SYCP2: variants seen among roughly 807,000 people sequenced by gnomAD.
SYCP2 encodes the protein synaptonemal complex lateral element protein.
Under a neutral mutation model 211.3 loss-of-function variants are expected in SYCP2, and 55 were observed. That is an observed-to-expected ratio of 0.26 (90% CI 0.21 to 0.33). The LOEUF (loss-of-function observed/expected upper bound fraction) is 0.33. Ranked by LOEUF, SYCP2 falls within the 10% of genes least tolerant of loss-of-function variation. The pLI, the probability that SYCP2 is intolerant of heterozygous loss-of-function variation, is 1.00. For missense variants in SYCP2, 1,731 were observed against 1,752.0 expected (o/e 0.99, Z 0.21); for synonymous variants, 570 against 555.2 (o/e 1.03, Z -0.37).
At chr20:59,889,522 G>C (rs1288965999) in intron 24 of SYCP2, among the ~76,000 whole-genome samples, 1 of 151,590 alleles carries the variant, frequency 6.6e-6, no homozygotes, top group African/African-American at 2.4e-5. Context: ...CTTTTCTCTG[G>C]TTATCAGGCA....
chr20:59,911,767 T>C lies in SYCP2; in HGVS notation c.955A>G (p.Ile319Val), dbSNP rs938568387. The C allele has an allele frequency of 2.2e-5, 34 of 1,570,588 alleles. No homozygotes were observed. Among genetic ancestry groups the C allele is most frequent in the African/African-American group, 4.1e-5 (3 of 73,756 alleles). ...AAACTTACATCATTATCTCCAGCAA[T>C]GTAGAATGAGAGAGTCTGACTCCCA... ...NLGSQTLSFYIAGDNDDHQWE... is the reference protein window; with the variant it reads ...NLGSQTLSFYVAGDNDDHQWE... The change falls in exon 14 of 45, where the codon ATT (isoleucine) becomes GTT (valine). Residue 319 changes from isoleucine (I) to valine (V), a missense_variant. By Grantham distance (29) the Ile-to-Val change is conservative (BLOSUM62 3). This residue lies in a region of SYCP2 where 335 missense variants were observed against 378.8 expected (regional missense o/e 0.88). Transcript: ENST00000357552.
intron 17 of SYCP2, 56 bp from the exon 18 acceptor site, chr20:59,900,340 C>T: frequency 7.0e-7 from 1 of 1,432,364 alleles, no homozygotes. Context: ...AGAAAGTAAT[C>T]AACAATCACT....
In SYCP2 at chr20:59,867,831, A is replaced by G. The variant is rs1471366638; in HGVS notation, c.4005T>C (p.Ser1335=). Residue 1335 remains serine (S), a synonymous_variant, in exon 39 of 45, where the codon TCT becomes TCC. Coordinates refer to ENST00000357552, the MANE Select transcript of SYCP2 (RefSeq NM_014258.4). ...HHIHKMSESV[S]SLSTNDFSIP... The stretch of plus-strand genomic sequence containing the variant: ...TAGAAAAGTCATTTGTTGATAATGA[A>G]GATACACTTTCAGACACTAAAAAAT... The G allele has an allele frequency of 6.2e-7, 1 of 1,607,248 alleles. No homozygotes were observed. The highest frequency in any genetic ancestry group is 1.1e-5 in the South Asian group (1 of 90,438).
chr20:59,901,083 C>T (rs1264898169), intron 16 of SYCP2, among the ~76,000 whole-genome samples: 1 of 152,058 alleles, frequency 6.6e-6, no homozygotes, highest in Non-Finnish European at 1.5e-5. Context: ...ATCTTTTGCA[C>T]TATTCAAATT....
In SYCP2 at chr20:59,920,499, G is replaced by C; in HGVS notation, c.169-12C>G. On this transcript the variant is annotated splice_polypyrimidine_tract_variant and intron_variant, in intron 4 of 44. Transcript: ENST00000357552. ...TCTTTATTAAGTTCCTGAAATAAAA[G>C]GTATACATTAAAATTTCTGTAAACA... 1.3e-6 allele frequency: 2 copies of C among 1,576,704 alleles called. No individual in the cohort carries two copies. Among genetic ancestry groups the C allele is most frequent in the Non-Finnish European group, 1.7e-6 (2 of 1,154,536 alleles).
intron 14 of SYCP2, among the ~76,000 whole-genome samples, chr20:59,908,894 C>T (rs1204768988): frequency 6.6e-6 from 1 of 152,140 alleles, no homozygotes; most frequent in Non-Finnish European, 1.5e-5. Flanking sequence ...ATTGAATCCA[C>T]ATGTCACGCT....
Position 59,911,313 on chromosome 20 carries a change from T to C in SYCP2, c.972+437A>G, listed in dbSNP as rs150437974. Among the ~76,000 whole-genome samples the C allele has an allele frequency of 5.9e-3, 903 of 152,220 alleles. 11 individuals are homozygous for C. The highest frequency in any genetic ancestry group is 0.02 in the African/African-American group (848 of 41,546). ...AAGCATAGGAAGAAAAAAACTAAAA[T>C]TAACTCCCACTCAAGTCCTATTTCC... On this transcript the variant is annotated intron_variant, in intron 14 of 44. Coordinates refer to ENST00000357552, the MANE Select transcript of SYCP2 (RefSeq NM_014258.4).
chr20:59,927,005 G>C (rs1316536258), intron 2 of SYCP2, among the ~76,000 whole-genome samples: 2 of 152,112 alleles, frequency 1.3e-5, no homozygotes, highest in Non-Finnish European at 2.9e-5. Context: ...CCAGAACTTT[G>C]GCATTGGACA....
chr20:59,872,043 G>A (rs1600813481), intron 35 of SYCP2, among the ~76,000 whole-genome samples: 1 of 151,930 alleles, frequency 6.6e-6, no homozygotes, highest in East Asian at 1.9e-4. Context: ...GGATTATTTG[G>A]GAGAAGGAGG....
intron 14 of SYCP2, among the ~76,000 whole-genome samples, chr20:59,910,419 C>T (rs1441327163): frequency 5.1e-5 from 6 of 117,890 alleles, no homozygotes; most frequent in Non-Finnish European, 8.0e-5. Context: ...CTCCCACTGT[C>T]GCCCAGGCTG....
intron 14 of SYCP2, among the ~76,000 whole-genome samples, chr20:59,908,651 A>ATGTGTGTT (rs1225587694): frequency 1.6e-4 from 25 of 152,198 alleles, no homozygotes; most frequent in Non-Finnish European, 2.9e-4. Flanking sequence ...CATAATGGCA[A>ATGTGTGTT]TTTTCAAACA....
chr20:59,897,514 C>T (rs1253908493), intron 18 of SYCP2, among the ~76,000 whole-genome samples: 2 of 152,012 alleles, frequency 1.3e-5, no homozygotes, highest in Non-Finnish European at 1.5e-5. Flanking sequence ...TAAGACCTTT[C>T]CAAGAGTTTA....
intron 2 of SYCP2, among the ~76,000 whole-genome samples, chr20:59,928,943 T>G (rs956141398): frequency 6.6e-6 from 1 of 152,082 alleles, no homozygotes; most frequent in Non-Finnish European, 1.5e-5. Context: ...AGTAATAGAT[T>G]TTAACTTTTT....
chr20:59,899,818 T>C (rs1258078549), intron 18 of SYCP2, among the ~76,000 whole-genome samples: 2 of 152,000 alleles, frequency 1.3e-5, no homozygotes, highest in Non-Finnish European at 2.9e-5. Flanking sequence ...AAACAGAACA[T>C]TATACATTTC....
intron 16 of SYCP2, 135 bp downstream of exon 16, chr20:59,901,527 C>T: frequency 5.4e-6 from 3 of 560,308 alleles, no homozygotes; most frequent in Non-Finnish European, 9.0e-6. Flanking sequence ...GATGACTCTT[C>T]AACAGTACAA....
Position 59,881,449 on chromosome 20 carries a change from C to A in SYCP2, c.2702G>T (p.Arg901Met). Residue 901 changes from arginine to methionine, a missense_variant, in exon 29 of 45, where the codon AGG becomes ATG. Transcript: ENST00000357552. Reference protein sequence around the residue: ...QATAKEACADRSIRLVGPRNH... With the variant: ...QATAKEACADMSIRLVGPRNH... ...TAAAAATACCTACAATCTAATTGAC[C>A]TATCCGCACAAGCTTCTTTAGCTGT... is the stretch of plus-strand genomic sequence containing the variant. 1 of 1,531,714 alleles carries A rather than the reference C, an allele frequency of 6.5e-7. No homozygotes were observed. Among genetic ancestry groups the A allele is most frequent in the South Asian group, 1.2e-5 (1 of 81,678 alleles). The allele number at this position is 1,531,714 out of a possible 1,614,324, so 94.9% of individuals were successfully genotyped here. A position where few individuals can be genotyped will look rare whatever the true frequency, so the allele number is the denominator to read the frequency against.
In SYCP2 at chr20:59,874,010, G is replaced by C. The variant is rs770844632; in HGVS notation, c.3401C>G (p.Thr1134Arg). Residue 1134 changes from threonine (T) to arginine (R), a missense_variant, in exon 35 of 45, where the codon ACA (threonine) becomes AGA (arginine). Coordinates refer to ENST00000357552, the MANE Select transcript of SYCP2 (RefSeq NM_014258.4). The part of the protein sequence containing the change: ...KDFTQDYDCI[T>R]KSISPYPKTS... The stretch of plus-strand genomic sequence containing the variant: ...TTTTGGATAAGGTGATATAGATTTT[G>C]TTATGCAGTCATAATCCTGAGTAAA... The C allele has an allele frequency of 3.1e-6, 5 of 1,612,070 alleles. No individual in the cohort carries two copies. In the South Asian group the frequency reaches 5.5e-5, roughly 18 times the overall value.
At chr20:59,874,561 C>T (rs950430370) in intron 34 of SYCP2, among the ~76,000 whole-genome samples, 1 of 151,972 alleles carries the variant, frequency 6.6e-6, no homozygotes, top group South Asian at 2.1e-4. Context: ...CCTGAGTATG[C>T]GCTTATGTGA....
chr20:59,927,773 TG>T (rs999413892), intron 2 of SYCP2, among the ~76,000 whole-genome samples: 2 of 152,286 alleles, frequency 1.3e-5, no homozygotes, highest in Admixed American at 6.5e-5. Flanking sequence ...AATATTTGAT[TG>T]GTAAATTTGG....
Sources: allele counts gnomAD v4.1 joint callset (sites outside exome capture counted in the v4.1 genomes callset), GRCh38; gene constraint gnomAD v4.1.1; regional missense constraint gnomAD v4.1.1; transcripts MANE v1.5; gene names NCBI Gene and HGNC (gene_info 2026-07-23, HGNC 2026-07-21).